The following ZNG1B variants were observed in gnomAD, a reference collection of about 807,000 sequenced individuals.
The protein encoded by ZNG1B is zinc-regulated GTPase metalloprotein activator 1B.
chr2:113,476,969 T>C, the ZNG1B span, among the ~76,000 whole-genome samples: 3 of 152,196 alleles, frequency 2.0e-5, no homozygotes, highest in Non-Finnish European at 2.9e-5. Context: ...TGCTGTCTTT[T>C]TGTGTGTCTG....
the ZNG1B span, among the ~76,000 whole-genome samples, chr2:113,484,591 G>A: frequency 6.6e-6 from 1 of 152,232 alleles, no homozygotes; most frequent in Non-Finnish European, 1.5e-5. Flanking sequence ...TTTGCATACA[G>A]TAAAGCATGC....
the ZNG1B span, among the ~76,000 whole-genome samples, chr2:113,463,587 T>C: frequency 7.2e-5 from 11 of 152,314 alleles, no homozygotes; most frequent in African/African-American, 2.2e-4. Context: ...ATGTGGAAGG[T>C]AGGTATTGTT....
chr2:113,477,099 G>A, the ZNG1B span, among the ~76,000 whole-genome samples: 1 of 152,204 alleles, frequency 6.6e-6, no homozygotes, highest in Non-Finnish European at 1.5e-5. Context: ...GGGCAATGGC[G>A]GGCGCCCCTC....
the ZNG1B span, among the ~76,000 whole-genome samples, chr2:113,445,762 A>G: frequency 3.0e-5 from 4 of 131,824 alleles, no homozygotes; most frequent in African/African-American, 1.2e-4. Context: ...GTTAGTGCTT[A>G]TTCTGTGAAT....
the ZNG1B span, chr2:113,444,886 T>C: frequency 1.3e-6 from 2 of 1,582,848 alleles, no homozygotes; most frequent in Non-Finnish European, 1.7e-6. Flanking sequence ...GGTTGTTGAA[T>C]ATATTTTAAA....
the ZNG1B span, chr2:113,447,917 A>G: frequency 2.2e-6 from 1 of 447,090 alleles, no homozygotes; most frequent in South Asian, 1.6e-5. Flanking sequence ...TGAAGTCTGG[A>G]ATCCCTCAAA....
the ZNG1B span, chr2:113,437,820 G>A: frequency 6.2e-7 from 1 of 1,609,238 alleles, no homozygotes; most frequent in Non-Finnish European, 8.5e-7. Flanking sequence ...GCGGTACGGC[G>A]TGTTGGTCCC....
chr2:113,438,190 G>A, the ZNG1B span, among the ~76,000 whole-genome samples: 2 of 152,070 alleles, frequency 1.3e-5, no homozygotes, highest in Admixed American at 1.3e-4. Context: ...TCTCATCTTG[G>A]GAGTTAATGA....
chr2:113,478,683 AT>A, the ZNG1B span, among the ~76,000 whole-genome samples: 1 of 151,356 alleles, frequency 6.6e-6, no homozygotes. Flanking sequence ...TATTGTTCAC[AT>A]TTTGAAAACA....
the ZNG1B span, among the ~76,000 whole-genome samples, chr2:113,476,486 A>T: frequency 1.3e-5 from 2 of 149,658 alleles, no homozygotes; most frequent in African/African-American, 5.0e-5. Context: ...TTCTTCTCTC[A>T]GCTCGTCAAA....
the ZNG1B span, among the ~76,000 whole-genome samples, chr2:113,486,770 A>G: frequency 2.0e-5 from 3 of 152,230 alleles, no homozygotes; most frequent in African/African-American, 7.2e-5. Flanking sequence ...AAATTTATTA[A>G]GTTAAAATCT....
chr2:113,481,353 C>A, the ZNG1B span, among the ~76,000 whole-genome samples: 5 of 150,490 alleles, frequency 3.3e-5, no homozygotes, highest in Admixed American at 2.0e-4. Flanking sequence ...TCCTGAGCAA[C>A]CAGCTGGGAA....
chr2:113,446,778 A>ACACACGCACACG, the ZNG1B span, among the ~76,000 whole-genome samples: 1 of 95,786 alleles, frequency 1.0e-5, no homozygotes, highest in Non-Finnish European at 2.3e-5. Context: ...ACACGCACAC[A>ACACACGCACACG]CACACACACA....
chr2:113,448,387 A>G, the ZNG1B span, among the ~76,000 whole-genome samples: 2 of 151,720 alleles, frequency 1.3e-5, no homozygotes, highest in South Asian at 4.2e-4. Flanking sequence ...TTTATTATTT[A>G]TAGAAAACAG....
the ZNG1B span, chr2:113,437,721 A>C: frequency 1.3e-6 from 2 of 1,522,070 alleles, no homozygotes; most frequent in Admixed American, 1.9e-5. Flanking sequence ...TCCAGAGCCC[A>C]GGTAATCCGG....
the ZNG1B span, among the ~76,000 whole-genome samples, chr2:113,443,190 G>C: frequency 1.4e-4 from 22 of 152,062 alleles, no homozygotes; most frequent in South Asian, 3.7e-3. Context: ...GGATGGTCTC[G>C]ATCTCCTGAC....
the ZNG1B span, among the ~76,000 whole-genome samples, chr2:113,464,517 G>A: frequency 6.8e-6 from 1 of 147,212 alleles, no homozygotes; most frequent in Non-Finnish European, 1.5e-5. Flanking sequence ...AATTTAACAG[G>A]TACTTTTTGG....
chr2:113,438,150 C>G, the ZNG1B span: 1 of 1,593,866 alleles, frequency 6.3e-7, no homozygotes. Flanking sequence ...GAGGTAGGGG[C>G]TGGGTCACTT....
At chr2:113,448,187 TGGATGTTGTGTTAGCAG>T in the ZNG1B span, among the ~76,000 whole-genome samples, 3 of 151,936 alleles carry the variant, frequency 2.0e-5, no homozygotes, top group African/African-American at 7.3e-5. Context: ...GGCTGCAGAA[TGGATGTTGTGTTAGCAG>T]GCATGAAAAC....
Sources: allele counts gnomAD v4.1 joint callset (sites outside exome capture counted in the v4.1 genomes callset), GRCh38; gene constraint gnomAD v4.1.1; transcripts MANE v1.5; gene names NCBI Gene and HGNC (gene_info 2026-07-23, HGNC 2026-07-21).